Variants in CTNNA2 observed in about 807,000 individuals in gnomAD.
The protein encoded by CTNNA2 is catenin alpha 2.
CTNNA2 carries 42 observed loss-of-function variants against 101.0 expected under a neutral mutation model. That is an observed-to-expected ratio of 0.42 (90% CI 0.32 to 0.54). The LOEUF (loss-of-function observed/expected upper bound fraction) is 0.54, where lower values mean the gene tolerates loss of function less well. Among genes scored for constraint, CTNNA2 ranks in the 20% least tolerant of loss-of-function variants. CTNNA2 has a pLI of 0.14. For missense variants in CTNNA2, 871 were observed against 1,223.1 expected (o/e 0.71, Z 4.29); for synonymous variants, 450 against 456.4 (o/e 0.99, Z 0.18).
intron 18 of CTNNA2, among the ~76,000 whole-genome samples, chr2:80,631,709 T>A (rs1039555836): frequency 6.6e-6 from 1 of 152,156 alleles, no homozygotes; most frequent in Non-Finnish European, 1.5e-5. Flanking sequence ...CTTTATTTCA[T>A]CTTTTATTTA....
intron 9 of CTNNA2, among the ~76,000 whole-genome samples, chr2:80,508,687 A>C (rs1211244568): frequency 1.3e-5 from 2 of 152,166 alleles, no homozygotes; most frequent in East Asian, 1.9e-4. Context: ...AAAAAAAAAA[A>C]AACAAATTTG....
intron 8 of CTNNA2, among the ~76,000 whole-genome samples, chr2:80,397,387 C>G (rs1482899145): frequency 6.6e-6 from 1 of 152,114 alleles, no homozygotes; most frequent in Non-Finnish European, 1.5e-5. Flanking sequence ...AGCCAAGTAC[C>G]GTACCTGATA....
chr2:79,864,042 C>A (rs193135907), intron 4 of CTNNA2, among the ~76,000 whole-genome samples: 4 of 152,146 alleles, frequency 2.6e-5, no homozygotes, highest in African/African-American at 9.7e-5. Flanking sequence ...CCTCTGGCAG[C>A]GTCTATGCAA....
intron 7 of CTNNA2, among the ~76,000 whole-genome samples, chr2:80,009,784 G>C (rs1249816365): frequency 6.6e-6 from 1 of 151,130 alleles, no homozygotes; most frequent in Non-Finnish European, 1.5e-5. Flanking sequence ...CAGAGATTAA[G>C]ACAATACACT....
chr2:79,502,550 T>C (rs1671331486), intron 4 of CTNNA2, among the ~76,000 whole-genome samples: 2 of 152,178 alleles, frequency 1.3e-5, no homozygotes, highest in South Asian at 2.1e-4. Flanking sequence ...ATTGAGGTGG[T>C]GAATATGAAT....
chr2:80,283,246 C>G (rs1307100406), intron 7 of CTNNA2, among the ~76,000 whole-genome samples: 1 of 151,950 alleles, frequency 6.6e-6, no homozygotes, highest in Admixed American at 6.6e-5. Flanking sequence ...TGGATTTTGA[C>G]TCAAACAAAC....
At chr2:79,516,156 T>C (rs1027304597) in intron 1 of CTNNA2, among the ~76,000 whole-genome samples, 1 of 152,228 alleles carries the variant, frequency 6.6e-6, no homozygotes, top group Non-Finnish European at 1.5e-5. Flanking sequence ...TTTTTTCATC[T>C]ATAAAATGAA....
At chr2:79,504,452 G>A (rs1189245947) in intron 4 of CTNNA2, among the ~76,000 whole-genome samples, 3 of 151,970 alleles carry the variant, frequency 2.0e-5, no homozygotes, top group African/African-American at 7.3e-5. Flanking sequence ...ACCACACACG[G>A]TTAATTTTTG....
chr2:79,968,707 A>C (rs192185698), intron 7 of CTNNA2, among the ~76,000 whole-genome samples: 2 of 152,216 alleles, frequency 1.3e-5, no homozygotes, highest in Non-Finnish European at 2.9e-5. Context: ...AAGATATACA[A>C]GGAAAAAATA....
At chr2:79,964,226 A>G (rs116916820) in intron 7 of CTNNA2, among the ~76,000 whole-genome samples, 1,705 of 152,276 alleles carry the variant, frequency 0.011, 78 homozygotes, top group Admixed American at 0.078. Context: ...ACATGTCCTG[A>G]CCGGTGTCAG....
chr2:79,247,401 A>G (rs1294957443), intron 2 of CTNNA2, among the ~76,000 whole-genome samples: 2 of 152,264 alleles, frequency 1.3e-5, no homozygotes, highest in Non-Finnish European at 2.9e-5. Flanking sequence ...GTTGCTGTCG[A>G]GGCAGCTCTT....
intron 11 of CTNNA2, among the ~76,000 whole-genome samples, chr2:80,549,641 T>G (rs556079839): frequency 6.6e-6 from 1 of 152,330 alleles, no homozygotes; most frequent in East Asian, 1.9e-4. Flanking sequence ...AGGATACTTT[T>G]GCCTTTTATT....
intron 9 of CTNNA2, among the ~76,000 whole-genome samples, chr2:80,449,023 C>A (rs1683284877): frequency 6.6e-6 from 1 of 151,996 alleles, no homozygotes; most frequent in Non-Finnish European, 1.5e-5. Context: ...CCTATGTATC[C>A]CGACATTGAT....
At chr2:80,622,228 G>A (rs1671205335) in intron 18 of CTNNA2, among the ~76,000 whole-genome samples, 1 of 151,874 alleles carries the variant, frequency 6.6e-6, no homozygotes, top group Non-Finnish European at 1.5e-5. Flanking sequence ...GATATAATCA[G>A]GCAGGCATTT....
rs182696806 is a variant in CTNNA2 at position 80,185,002 on chromosome 2, A to G, written c.1057-208209A>G. Among the ~76,000 whole-genome samples, 209 of 152,308 alleles carry G rather than the reference A, an allele frequency of 1.4e-3. 1 individual carries two copies. The highest frequency in any genetic ancestry group is 1.7e-3 in the Non-Finnish European group (118 of 68,022). ...ACTGCTATTTGCTGTGTAATAAATTATCCCAAAACTCAATGGTTTAAAACA... is the reference window on the plus strand; with the variant it reads ...ACTGCTATTTGCTGTGTAATAAATTGTCCCAAAACTCAATGGTTTAAAACA... On this transcript the variant is annotated intron_variant, in intron 7 of 18. Coordinates refer to ENST00000402739, the MANE Select transcript of CTNNA2 (RefSeq NM_001282597.3).
At chr2:79,975,633 C>G in intron 7 of CTNNA2, among the ~76,000 whole-genome samples, 1 of 152,074 alleles carries the variant, frequency 6.6e-6, no homozygotes, top group South Asian at 2.1e-4. Context: ...TCCTCAGGTC[C>G]GATTAATTTG....
At chr2:80,039,315 A>G (rs993339824) in intron 7 of CTNNA2, among the ~76,000 whole-genome samples, 10 of 152,170 alleles carry the variant, frequency 6.6e-5, no homozygotes, top group African/African-American at 2.4e-4. Flanking sequence ...AGCAGCCACA[A>G]GGCTGGACAC....
At chr2:79,707,047 G>T (rs1388157790) in intron 2 of CTNNA2, among the ~76,000 whole-genome samples, 2 of 152,110 alleles carry the variant, frequency 1.3e-5, no homozygotes, top group African/African-American at 2.4e-5. Context: ...CACAGGATCA[G>T]AACTGCCATT....
At chr2:79,804,981 G>A (rs1311578246) in intron 3 of CTNNA2, among the ~76,000 whole-genome samples, 1 of 152,064 alleles carries the variant, frequency 6.6e-6, no homozygotes, top group African/African-American at 2.4e-5. Context: ...TGGGAAGGAG[G>A]GGAGCGGGGT....
Sources: gnomAD v4.1 joint callset for allele counts (sites outside exome capture counted in the v4.1 genomes callset) on GRCh38, gnomAD v4.1.1 for gene constraint, MANE v1.5 for transcripts, NCBI Gene and HGNC (gene_info 2026-07-23, HGNC 2026-07-21) for gene names.